SOX30: variants seen among roughly 807,000 people sequenced by gnomAD.
SOX30 encodes transcription factor SOX-30.
Under a neutral mutation model 58.6 loss-of-function variants are expected in SOX30, and 17 were observed. The ratio of observed to expected loss-of-function variants is 0.29; its 90% CI spans 0.20 to 0.44. The LOEUF (loss-of-function observed/expected upper bound fraction) is 0.44, where lower values mean the gene tolerates loss of function less well. Among genes scored for constraint, SOX30 ranks in the 20% least tolerant of loss-of-function variants. The pLI is 1.00. For missense variants in SOX30, 951 were observed against 965.8 expected (o/e 0.98, Z 0.20); for synonymous variants, 421 against 400.2 (o/e 1.05, Z -0.62).
intron 2 of SOX30, among the ~76,000 whole-genome samples, chr5:157,667,622 T>C (rs1000930764): frequency 1.3e-5 from 2 of 152,058 alleles, no homozygotes; most frequent in Non-Finnish European, 2.9e-5. Flanking sequence ...TAATCCCAGC[T>C]ACTTTACTCT....
At chr5:157,644,650 AT>A (rs2113844238) in intron 3 of SOX30, among the ~76,000 whole-genome samples, 1 of 152,302 alleles carries the variant, frequency 6.6e-6, no homozygotes, top group South Asian at 2.1e-4. Flanking sequence ...GGAAAAAGGG[AT>A]AAAAAGAAGA....
At chr5:157,667,827 T>C in exon 2 of SOX30, 1 of 1,535,520 alleles carries the variant, frequency 6.5e-7, no homozygotes, top group Non-Finnish European at 8.7e-7. Flanking sequence ...ACTTTGTTCC[T>C]TCCCTCTACA....
upstream of SOX30, among the ~76,000 whole-genome samples, chr5:157,654,164 CA>C (rs1168643558): frequency 0.083 from 6,554 of 78,572 alleles, 182 homozygotes; most frequent in Middle Eastern, 0.19. Context: ...GACCCTGTCT[CA>C]AAAAAAAAAA....
Position 157,651,401 on chromosome 5 carries a change from G to A in SOX30, c.678C>T (p.Leu226=), listed in dbSNP as rs141517166. 139 of 1,613,498 alleles carry A rather than the reference G, an allele frequency of 8.6e-5. No individual in the cohort carries two copies. The African/African-American group carries it at 1.2e-3, about 13-fold the overall frequency. The change falls in exon 1 of 5, where the codon CTC becomes CTT. Residue 226 remains leucine, a synonymous_variant. Coordinates refer to ENST00000265007, the MANE Select transcript of SOX30 (RefSeq NM_178424.2). ...EPERLLEDCR[L]GAEPASNGLV... ...GGCCATTGGACGCGGGCTCCGCGCCGAGCCTGCAGTCCTCGAGGAGTCTCT... is the reference window on the plus strand; with the variant it reads ...GGCCATTGGACGCGGGCTCCGCGCCAAGCCTGCAGTCCTCGAGGAGTCTCT...
chr5:157,641,689 A>T (rs748073947), intron 3 of SOX30, among the ~76,000 whole-genome samples: 2 of 152,238 alleles, frequency 1.3e-5, no homozygotes, highest in Non-Finnish European at 2.9e-5. Context: ...TTATATCTAT[A>T]CTTGCTACGA....
chr5:157,663,549 G>A (rs533848117), intron 2 of SOX30, among the ~76,000 whole-genome samples: 3 of 152,236 alleles, frequency 2.0e-5, no homozygotes, highest in South Asian at 2.1e-4. Context: ...GCACAAGACA[G>A]GGATGCCCTC....
intron 4 of SOX30, among the ~76,000 whole-genome samples, chr5:157,627,980 T>C (rs1758699174): frequency 2.1e-5 from 3 of 144,836 alleles, no homozygotes; most frequent in South Asian, 4.3e-4. Flanking sequence ...GGTGACAGAG[T>C]GAGACTCCAT....
chr5:157,652,630 C>T (rs892926095), upstream of SOX30, among the ~76,000 whole-genome samples: 7 of 152,246 alleles, frequency 4.6e-5, no homozygotes, highest in African/African-American at 1.7e-4. Context: ...TATCAATAAC[C>T]TATTAGCTAA....
At chr5:157,634,970 T>C (rs1324165776) in intron 4 of SOX30, among the ~76,000 whole-genome samples, 1 of 152,158 alleles carries the variant, frequency 6.6e-6, no homozygotes, top group Non-Finnish European at 1.5e-5. Flanking sequence ...TACAGAAAAT[T>C]CCATTATCAG....
intron 2 of SOX30, among the ~76,000 whole-genome samples, chr5:157,661,991 G>A (rs1403792127): frequency 6.6e-6 from 1 of 152,112 alleles, no homozygotes; most frequent in Non-Finnish European, 1.5e-5. Flanking sequence ...TTGCTTTGAA[G>A]AAGATTCTAA....
intron 2 of SOX30, 22 bp downstream of exon 2, chr5:157,648,635 A>ACT: frequency 6.2e-7 from 1 of 1,602,674 alleles, no homozygotes; most frequent in Non-Finnish European, 8.5e-7. Flanking sequence ...AAGAAGTAAG[A>ACT]GGCATTATTT....
At position 157,626,416 on chromosome 5, in the gene SOX30, G is replaced by A. The variant is rs1758655297; in HGVS notation, c.2186C>T (p.Thr729Ile). 1.2e-6 allele frequency: 2 copies of A among 1,614,174 alleles called. No individual in the cohort carries two copies. The highest frequency in any genetic ancestry group is 1.3e-5 in the African/African-American group (1 of 75,048). Reference protein sequence around the residue: ...LENVFTAPTSTPSSIQQVNVT... With the variant: ...LENVFTAPTSIPSSIQQVNVT... ...ATTGACTTGCTGGATGCTAGAAGGA[G>A]TTGATGTCGGGGCTGTGAAGACATT... Residue 729 changes from threonine to isoleucine, a missense_variant, in exon 5 of 5, where the codon ACT (threonine) becomes ATT (isoleucine). Coordinates refer to ENST00000265007, the MANE Select transcript of SOX30 (RefSeq NM_178424.2).
chr5:157,638,779 TTC>T, intron 3 of SOX30, 57 bp from the exon 4 acceptor site: 1 of 1,514,022 alleles, frequency 6.6e-7, no homozygotes, highest in Non-Finnish European at 8.9e-7. Flanking sequence ...CATGTTTTTC[TTC>T]TTTCAGTAAA....
intron 1 of SOX30, among the ~76,000 whole-genome samples, chr5:157,670,034 G>A (rs751133068): frequency 6.6e-6 from 1 of 152,210 alleles, no homozygotes; most frequent in Non-Finnish European, 1.5e-5. Context: ...AACCCAGGTG[G>A]AAGCCTAAAT....
intron 3 of SOX30, among the ~76,000 whole-genome samples, chr5:157,646,211 T>G (rs1284480621): frequency 6.6e-6 from 1 of 152,212 alleles, no homozygotes; most frequent in Non-Finnish European, 1.5e-5. Flanking sequence ...TTACTTCCAC[T>G]GCTTTTCTAG....
upstream of SOX30, among the ~76,000 whole-genome samples, chr5:157,656,036 G>A (rs1301051498): frequency 2.0e-5 from 3 of 152,210 alleles, no homozygotes; most frequent in Admixed American, 2.0e-4. Flanking sequence ...TGTCTTGTAT[G>A]TCCTTGGGAG....
Position 157,646,649 on chromosome 5 carries a change from T to C in SOX30, c.1375A>G (p.Thr459Ala), listed in dbSNP as rs146949812. Residue 459 changes from threonine to alanine, a missense_variant, in exon 3 of 5, where the codon ACT becomes GCT. Transcript: ENST00000265007. ...AAAACTAACTCACCAACTGGATGAG[T>C]GATGGGATTCTGTAGGCTGGGAATT... ...VVIPSLQNPITHPVGETSPAI... is the reference protein window; with the variant it reads ...VVIPSLQNPIAHPVGETSPAI... 1.4e-4 allele frequency: 219 copies of C among 1,604,308 alleles called. 1 individual carries two copies. In the East Asian group the frequency reaches 4.2e-3, roughly 31 times the overall value.
chr5:157,650,183 T>C (rs61663448), intron 1 of SOX30, among the ~76,000 whole-genome samples: 25,942 of 152,072 alleles, frequency 0.17, 2,527 homozygotes, highest in African/African-American at 0.27. Context: ...ATATTAAAAA[T>C]TTCTTAAAAA....
chr5:157,670,009 G>A (rs1477669274), intron 1 of SOX30, among the ~76,000 whole-genome samples: 1 of 152,200 alleles, frequency 6.6e-6, no homozygotes, highest in Admixed American at 6.5e-5. Flanking sequence ...TGAAGGGCAA[G>A]GAAAAAGCCT....
Sources: gnomAD v4.1 joint callset for allele counts (sites outside exome capture counted in the v4.1 genomes callset) on GRCh38, gnomAD v4.1.1 for gene constraint, MANE v1.5 for transcripts, NCBI Gene and HGNC (gene_info 2026-07-23, HGNC 2026-07-21) for gene names.